The following FBLIM1 variants were observed in gnomAD, a reference collection of about 807,000 sequenced individuals.
The protein encoded by FBLIM1 is filamin binding LIM protein 1.
A neutral mutation model predicts 37.4 loss-of-function variants in FBLIM1; 29 were observed. That is an observed-to-expected ratio of 0.77 (90% confidence interval 0.58 to 1.06). The LOEUF is 1.06. FBLIM1 is among the 50% of genes least tolerant of loss of function. FBLIM1 has a pLI of 0.00. For missense variants in FBLIM1, 449 were observed against 505.6 expected, an observed-to-expected ratio of 0.89 and a Z score of 1.07; for synonymous variants, 193 against 199.0, an observed-to-expected ratio of 0.97 and a Z score of 0.25.
intron 6 of FBLIM1, among the ~76,000 whole-genome samples, chr1:15,771,380 G>A (rs925420067): frequency 6.6e-6 from 1 of 151,238 alleles, no homozygotes; most frequent in African/African-American, 2.4e-5. Flanking sequence ...CTGAGTAGCT[G>A]GGACTACAGG....
chr1:15,774,381 A>C (rs2069385295), intron 6 of FBLIM1, among the ~76,000 whole-genome samples: 1 of 152,222 alleles, frequency 6.6e-6, no homozygotes, highest in African/African-American at 2.4e-5. Context: ...CAAGAAATGC[A>C]GCCATAGCAT....
At chr1:15,758,451 G>C (rs1415514430), upstream of FBLIM1, 3 of 152,116 alleles carry the variant, frequency 2.0e-5, no homozygotes, top group Admixed American at 6.5e-5. The surrounding 1 kb of genome is among the most constrained non-coding windows in gnomAD (Gnocchi z 6.2). Flanking sequence ...CAGCGGGGAG[G>C]GAAGGAAACC....
Position 15,765,282 on chromosome 1 carries a change from G to A in FBLIM1, c.250+49G>A. The A allele has an allele frequency of 1.3e-6, 2 of 1,559,774 alleles. No homozygotes were observed. The highest frequency in any genetic ancestry group is 1.7e-6 in the Non-Finnish European group (2 of 1,151,042). On this transcript the variant is annotated intron_variant, in intron 3 of 8. Coordinates refer to ENST00000375766, the MANE Select transcript of FBLIM1 (RefSeq NM_017556.4). The surrounding 1 kb of genome is among the most constrained non-coding windows in gnomAD (Gnocchi z 5.9). ...GAAGACCACGTCAGAGGCAGAGGTGGGGAGGAAAGGGCAGGCTCCAGCGTC... is the reference window on the plus strand; with the variant it reads ...GAAGACCACGTCAGAGGCAGAGGTGAGGAGGAAAGGGCAGGCTCCAGCGTC...
At chr1:15,759,702 A>C (rs2068575029) in intron 1 of FBLIM1, among the ~76,000 whole-genome samples, 1 of 152,180 alleles carries the variant, frequency 6.6e-6, no homozygotes, top group African/African-American at 2.4e-5. Context: ...CACTTTATGA[A>C]AAAACGAGGC....
At position 15,765,236 on chromosome 1, in the gene FBLIM1, A is replaced by G. The variant is rs770699845; in HGVS notation, c.250+3A>G. 1.7e-5 allele frequency: 27 copies of G among 1,606,962 alleles called. No individual in the cohort carries two copies. The highest frequency in any genetic ancestry group is 6.7e-5 in the East Asian group (3 of 44,634). ...ACCTATGCAGCTCTTCAATGGAGGT[A>G]AGAGCTGAGGGGACTTTGGGGAAGA... On this transcript the variant is annotated splice_donor_region_variant and intron_variant, in intron 3 of 8. Transcript: ENST00000375766. The surrounding 1 kb of genome is among the most constrained non-coding windows in gnomAD (Gnocchi z 5.9).
In FBLIM1 at chr1:15,764,683, T is replaced by G; in HGVS notation, c.-23T>G. The G allele has an allele frequency of 2.4e-6, 1 of 408,496 alleles. No individual in the cohort carries two copies. Among genetic ancestry groups the G allele is most frequent in the East Asian group, 4.3e-5 (1 of 23,318 alleles). The allele number at this position is 408,496 out of a possible 1,614,324, so 25.3% of individuals were successfully genotyped here. A position where few individuals can be genotyped will look rare whatever the true frequency, so the allele number is the denominator to read the frequency against. Reference sequence around the variant, plus strand: ...GGTGTGAGACAAGGAAGAGTGATCATTGGTGAGGGCTGCCCTTTGCTCCCC... The same window carrying G: ...GGTGTGAGACAAGGAAGAGTGATCAGTGGTGAGGGCTGCCCTTTGCTCCCC... On this transcript the variant is annotated splice_region_variant and 5_prime_UTR_variant, in exon 2 of 9. Transcript: ENST00000375766.
chr1:15,778,316 G>A (rs2069549703), intron 8 of FBLIM1, among the ~76,000 whole-genome samples: 2 of 152,170 alleles, frequency 1.3e-5, no homozygotes, highest in Admixed American at 1.3e-4. Flanking sequence ...TGTAATCCCA[G>A]CACTTTGGGA....
rs1557700908 is a variant in FBLIM1, at chr1:15,774,640, AGTG to A, written c.735_737del (p.Lys245_Cys246delinsAsn). The A allele has an allele frequency of 6.2e-7, 1 of 1,613,762 alleles. No homozygotes were observed. The highest frequency in any genetic ancestry group is 8.5e-7 in the Non-Finnish European group (1 of 1,179,926). On this transcript the variant is annotated inframe_deletion, in exon 7 of 9. Coordinates refer to ENST00000375766, the MANE Select transcript of FBLIM1 (RefSeq NM_017556.4). ...TAGGACACACTGGAGAGGTGCGGCA[AGTG>A]TGGCGAGGTGGTCCGGGACCACATC... is the stretch of plus-strand genomic sequence containing the variant.
chr1:15,771,734 A>G (rs2069224860), intron 6 of FBLIM1, among the ~76,000 whole-genome samples: 2 of 151,906 alleles, frequency 1.3e-5, no homozygotes, highest in Non-Finnish European at 2.9e-5. Flanking sequence ...AGCTCATCCC[A>G]TCTGAAAGCC....
upstream of FBLIM1, among the ~76,000 whole-genome samples, chr1:15,757,522 C>T (rs746034401): frequency 1.3e-4 from 20 of 152,016 alleles, no homozygotes; most frequent in Non-Finnish European, 2.5e-4. The surrounding 1 kb of genome is among the most constrained non-coding windows in gnomAD (Gnocchi z 4.1). Flanking sequence ...GGAAAAGGGG[C>T]GACAAGAGGG....
chr1:15,778,859 C>T (rs2069564542), intron 8 of FBLIM1, among the ~76,000 whole-genome samples: 1 of 151,920 alleles, frequency 6.6e-6, no homozygotes, highest in Non-Finnish European at 1.5e-5. Context: ...TCAGGCTGGT[C>T]TCAAACTCCT....
At chr1:15,771,229 C>G (rs917319686) in intron 6 of FBLIM1, among the ~76,000 whole-genome samples, 3 of 146,416 alleles carry the variant, frequency 2.0e-5, no homozygotes, top group Non-Finnish European at 4.5e-5. Flanking sequence ...TGAGCCACTG[C>G]GCCCAGCCTG....
At chr1:15,768,435 G>A (rs908000220) in intron 4 of FBLIM1, 93 bp from the exon 5 acceptor site, 30 of 807,582 alleles carry the variant, frequency 3.7e-5, no homozygotes, top group African/African-American at 8.9e-5. Flanking sequence ...GGTACAATGC[G>A]GCTAATTGTA....
Position 15,784,787 on chromosome 1 carries a change from C to A in FBLIM1, c.*126C>A. The A allele has an allele frequency of 1.3e-6, 1 of 772,290 alleles. No homozygotes were observed. The highest frequency in any genetic ancestry group is 1.7e-5 in the South Asian group (1 of 59,238). The allele number at this position is 772,290 out of a possible 1,614,324, so 47.8% of individuals were successfully genotyped here. A position where few individuals can be genotyped will look rare whatever the true frequency, so the allele number is the denominator to read the frequency against. ...CCTCCATGGAGACCAGCCTGCAAGCCGGCCCAGCCTGTCCAGGATACAGTG... is the reference window on the plus strand; with the variant it reads ...CCTCCATGGAGACCAGCCTGCAAGCAGGCCCAGCCTGTCCAGGATACAGTG... On this transcript the variant is annotated 3_prime_UTR_variant, in exon 9 of 9. Coordinates refer to ENST00000375766, the MANE Select transcript of FBLIM1 (RefSeq NM_017556.4).
chr1:15,775,042 C>T, intron 7 of FBLIM1: 1 of 744,892 alleles, frequency 1.3e-6, no homozygotes, highest in Non-Finnish European at 2.1e-6. Flanking sequence ...CATGGTGAAA[C>T]CCCGTCTCTA....
chr1:15,763,966 A>G (rs1366006326), intron 1 of FBLIM1, among the ~76,000 whole-genome samples: 2 of 152,120 alleles, frequency 1.3e-5, no homozygotes, highest in African/African-American at 2.4e-5. Context: ...TAAAGGAGAA[A>G]GAGATTGATG....
chr1:15,767,342 G>T, intron 3 of FBLIM1, 34 bp from the exon 4 acceptor site: 1 of 1,519,540 alleles, frequency 6.6e-7, no homozygotes, highest in Non-Finnish European at 8.8e-7. Flanking sequence ...CACCTGGGAG[G>T]CTCTGACCAG....
At chr1:15,757,287 C>T (rs539769218), upstream of FBLIM1, among the ~76,000 whole-genome samples, 22 of 152,294 alleles carry the variant, frequency 1.4e-4, no homozygotes, top group East Asian at 2.3e-3. The surrounding 1 kb of genome is among the most constrained non-coding windows in gnomAD (Gnocchi z 4.1). Context: ...AGGGACACAG[C>T]GGCTCTGGTT....
chr1:15,763,670 C>A (rs563686439), intron 1 of FBLIM1, among the ~76,000 whole-genome samples: 2 of 151,904 alleles, frequency 1.3e-5, no homozygotes. Flanking sequence ...GACAGAGTCT[C>A]GCTCTGTTGC....
Sources: gnomAD v4.1 joint callset for allele counts (sites outside exome capture counted in the v4.1 genomes callset) on GRCh38, gnomAD v4.1.1 for gene constraint, Gnocchi (gnomAD v3.1) non-coding constraint, MANE v1.5 for transcripts, NCBI Gene and HGNC (gene_info 2026-07-23, HGNC 2026-07-21) for gene names.